Variants in PTGES3 observed in about 807,000 individuals in gnomAD.
The protein encoded by PTGES3 is prostaglandin E synthase 3.
In PTGES3, 5 loss-of-function variants were observed where a neutral mutation model predicts 29.9. The observed-to-expected ratio is 0.17, with a 90% confidence interval of 0.09 to 0.35. The LOEUF is 0.35. PTGES3 is among the 10% of genes least tolerant of loss of function. The pLI, the probability that PTGES3 is intolerant of heterozygous loss-of-function variation, is 1.00. For missense variants in PTGES3, 128 were observed against 190.0 expected (o/e 0.67, Z 1.92); for synonymous variants, 49 against 57.8 (o/e 0.85, Z 0.69).
intron 1 of PTGES3, among the ~76,000 whole-genome samples, chr12:56,675,486 A>G (rs895465750): frequency 4.8e-4 from 72 of 150,250 alleles, no homozygotes; most frequent in Admixed American, 1.9e-3. Flanking sequence ...CCAAGATCAC[A>G]CTACTGCACT....
intron 1 of PTGES3, chr12:56,687,509 G>C: frequency 2.0e-5 from 20 of 998,356 alleles, no homozygotes; most frequent in Non-Finnish European, 2.3e-5. Flanking sequence ...GCAGCTCACG[G>C]CGAGGTCCGC....
At chr12:56,671,379 A>AC (rs1464940050) in intron 4 of PTGES3, among the ~76,000 whole-genome samples, 1 of 152,204 alleles carries the variant, frequency 6.6e-6, no homozygotes, top group African/African-American at 2.4e-5. Flanking sequence ...AGCCTGGGTG[A>AC]CAAAGAGAGA....
chr12:56,665,422 G>A lies in PTGES3; in HGVS notation c.439-622C>T, dbSNP rs552811160. 1.3e-5 allele frequency: 11 copies of A among 855,764 alleles called. No individual in the cohort carries two copies. In the African/African-American group the frequency reaches 2.0e-4, roughly 16 times the overall value. 53.0% of individuals were successfully genotyped at this position (855,764 alleles called of 1,614,324 possible). ...CGATTCTCCTGCCTCAGCCTCCCAA[G>A]TAGCTGGGATTACAGGCACCCGCCA... On this transcript the variant is annotated intron_variant, in intron 6 of 7. Transcript: ENST00000262033.
At chr12:56,666,899 T>A (rs1351376437) in intron 5 of PTGES3, among the ~76,000 whole-genome samples, 1 of 152,134 alleles carries the variant, frequency 6.6e-6, no homozygotes, top group East Asian at 1.9e-4. Context: ...AGTGCTGGGA[T>A]TACAGGCGTG....
intron 5 of PTGES3, 132 bp from the exon 6 acceptor site, chr12:56,666,398 T>A (rs575061954): frequency 8.9e-7 from 1 of 1,122,862 alleles, no homozygotes; most frequent in Non-Finnish European, 1.2e-6. Context: ...TATAAGCATC[T>A]TTCCCTTCTG....
intron 6 of PTGES3, 147 bp from the exon 7 acceptor site, chr12:56,664,947 C>T (rs1215543886): frequency 1.4e-6 from 2 of 1,409,328 alleles, no homozygotes; most frequent in Admixed American, 3.2e-5. Context: ...AGTCATTGGA[C>T]TTGACTAGGT....
intron 1 of PTGES3, chr12:56,687,789 G>A (rs983375019): frequency 7.2e-7 from 1 of 1,385,972 alleles, no homozygotes; most frequent in African/African-American, 1.5e-5. Context: ...GCCAAGGAAC[G>A]GTTCAGGGGT....
Position 56,687,745 on chromosome 12 carries a change from A to G in PTGES3, c.2+253T>C, listed in dbSNP as rs1309428513. The stretch of plus-strand genomic sequence containing the variant: ...AAAGAGGCGAGTAACCCAGACAGCC[A>G]AAGGGGTAAAAGTAGGATTTCCGGC... On this transcript the variant is annotated intron_variant, in intron 1 of 7. Transcript: ENST00000262033. 5.8e-6 allele frequency: 8 copies of G among 1,373,672 alleles called. No individual in the cohort carries two copies. The Admixed American group carries it at 2.4e-4, about 42-fold the overall frequency. The allele number at this position is 1,373,672 out of a possible 1,614,324, so 85.1% of individuals were successfully genotyped here.
chr12:56,678,103 C>T lies in PTGES3; in HGVS notation c.3-5038G>A, dbSNP rs1052636848. Among the ~76,000 whole-genome samples, 5 of 59,804 alleles carry T rather than the reference C, an allele frequency of 8.4e-5. No individual in the cohort carries two copies. The East Asian group carries it at 2.2e-3, about 26-fold the overall frequency. 39.2% of individuals were successfully genotyped at this position (59,804 alleles called of 152,430 possible). A position where few individuals can be genotyped will look rare whatever the true frequency, so the allele number is the denominator to read the frequency against. On this transcript the variant is annotated intron_variant, in intron 1 of 7. Transcript: ENST00000262033. ...AAGAAGGAAAAACCATTTATGAACT[C>T]CAGGAACTACTTTTTTCCTTTCCAT...
intron 1 of PTGES3, among the ~76,000 whole-genome samples, chr12:56,686,310 C>A (rs779030940): frequency 4.6e-5 from 7 of 152,104 alleles, no homozygotes; most frequent in Non-Finnish European, 8.8e-5. Flanking sequence ...AGACTGATGT[C>A]CCTTCTACAT....
chr12:56,688,023 C>A lies in PTGES3; in HGVS notation c.-24G>T, dbSNP rs757140155. On this transcript the variant is annotated 5_prime_UTR_variant, in exon 1 of 8. Transcript: ENST00000262033. ...ATTGTGAACGGGGCAGGGGGACGGG[C>A]GAACTGGTGGGCGGGCCTCTCTGGC... The A allele has an allele frequency of 5.9e-6, 9 of 1,526,484 alleles. No individual in the cohort carries two copies. In the East Asian group the frequency reaches 1.3e-4, roughly 22 times the overall value. 94.6% of individuals were successfully genotyped at this position (1,526,484 alleles called of 1,614,324 possible). A position where few individuals can be genotyped will look rare whatever the true frequency, so the allele number is the denominator to read the frequency against.
chr12:56,674,854 A>AAT (rs1952160794), intron 1 of PTGES3, among the ~76,000 whole-genome samples: 2 of 132,330 alleles, frequency 1.5e-5, no homozygotes, highest in Non-Finnish European at 3.2e-5. Flanking sequence ...AAAAAAAAAA[A>AAT]TTCGCCAGGC....
intron 6 of PTGES3, chr12:56,666,002 G>C (rs890371604): frequency 1.6e-5 from 21 of 1,309,772 alleles, no homozygotes; most frequent in Non-Finnish European, 2.0e-5. Flanking sequence ...ATCCATTTAG[G>C]AATGGTCTAC....
At chr12:56,684,252 A>G (rs1340431169) in intron 1 of PTGES3, among the ~76,000 whole-genome samples, 3 of 152,214 alleles carry the variant, frequency 2.0e-5, no homozygotes, top group African/African-American at 7.2e-5. Flanking sequence ...AGTCAGGAGA[A>G]TCTTAATTTA....
chr12:56,682,527 G>A (rs1410926683), intron 1 of PTGES3, among the ~76,000 whole-genome samples: 1 of 152,024 alleles, frequency 6.6e-6, no homozygotes, highest in Non-Finnish European at 1.5e-5. Flanking sequence ...CTGCACTCCA[G>A]CCTGGGCAAA....
intron 1 of PTGES3, among the ~76,000 whole-genome samples, chr12:56,684,154 G>A (rs1255179950): frequency 1.3e-5 from 2 of 152,014 alleles, no homozygotes; most frequent in Admixed American, 6.6e-5. Flanking sequence ...TATTTACAAA[G>A]GTTTTTTTTC....
intron 1 of PTGES3, among the ~76,000 whole-genome samples, chr12:56,683,685 C>A (rs1287921652): frequency 1.3e-5 from 2 of 149,086 alleles, no homozygotes; most frequent in African/African-American, 4.9e-5. Context: ...ATGGGCCGGG[C>A]GCGGTGGCTC....
Position 56,664,306 on chromosome 12 carries a change from C to T in PTGES3, c.*173G>A. The stretch of plus-strand genomic sequence containing the variant: ...CTTAAAATTGCCCCATACAATGGTA[C>T]ATATCAACCCTTAGTGAAGCCTTTT... On this transcript the variant is annotated 3_prime_UTR_variant, in exon 8 of 8. Coordinates refer to ENST00000262033, the MANE Select transcript of PTGES3 (RefSeq NM_006601.7). The T allele has an allele frequency of 3.1e-6, 2 of 640,492 alleles. No homozygotes were observed. Among genetic ancestry groups the T allele is most frequent in the Non-Finnish European group, 5.4e-6 (2 of 371,406 alleles). The allele number at this position is 640,492 out of a possible 1,614,324, so 39.7% of individuals were successfully genotyped here.
intron 1 of PTGES3, among the ~76,000 whole-genome samples, chr12:56,685,687 A>AC (rs1484685218): frequency 1.4e-5 from 2 of 145,592 alleles, no homozygotes; most frequent in East Asian, 4.1e-4. Flanking sequence ...GGAGTGAGCC[A>AC]CCCCGCCCGG....
Sources: gnomAD v4.1 joint callset for allele counts (sites outside exome capture counted in the v4.1 genomes callset) on GRCh38, gnomAD v4.1.1 for gene constraint, MANE v1.5 for transcripts, NCBI Gene and HGNC (gene_info 2026-07-23, HGNC 2026-07-21) for gene names.